Variants in GID4 observed in about 807,000 individuals in gnomAD.
GID4 encodes the protein glucose-induced degradation protein 4 homolog.
Under a neutral mutation model 32.4 loss-of-function variants are expected in GID4, and 7 were observed. The ratio of observed to expected loss-of-function variants is 0.22; its 90% CI spans 0.12 to 0.41. GID4 has a LOEUF of 0.41. Ranked by LOEUF, GID4 falls within the 10% of genes least tolerant of loss-of-function variation. The pLI is 1.00. For missense variants in GID4, 309 were observed against 400.0 expected, an observed-to-expected ratio of 0.77 and a Z score of 1.94; for synonymous variants, 166 against 170.0, an observed-to-expected ratio of 0.98 and a Z score of 0.18.
intron 4 of GID4, among the ~76,000 whole-genome samples, chr17:18,059,599 C>T (rs997994533): frequency 2.0e-5 from 3 of 152,250 alleles, no homozygotes; most frequent in Non-Finnish European, 2.9e-5. Flanking sequence ...GCTTTGATAA[C>T]GTGATATTTA....
rs780649735 is a variant in GID4 at position 18,065,583 on chromosome 17, G to A, written c.*340G>A. Reference sequence around the variant, plus strand: ...CGTCCCACCTCCAGCCGAATAGAAGGTCTGCTCCCGGATCACCCTCAGCCT... The same window carrying A: ...CGTCCCACCTCCAGCCGAATAGAAGATCTGCTCCCGGATCACCCTCAGCCT... On this transcript the variant is annotated 3_prime_UTR_variant, in exon 6 of 6. Coordinates refer to ENST00000268719, the MANE Select transcript of GID4 (RefSeq NM_024052.5). The A allele has an allele frequency of 9.3e-5, 31 of 333,862 alleles. No individual in the cohort carries two copies. The highest frequency in any genetic ancestry group is 6.4e-5 in the Non-Finnish European group (11 of 172,440). The allele number at this position is 333,862 out of a possible 1,614,324, so 20.7% of individuals were successfully genotyped here.
chr17:18,059,673 C>T, intron 4 of GID4, among the ~76,000 whole-genome samples: 1 of 152,222 alleles, frequency 6.6e-6, no homozygotes, highest in East Asian at 1.9e-4. Flanking sequence ...ATACCAACCC[C>T]TAGTCCCCAG....
intron 5 of GID4, among the ~76,000 whole-genome samples, chr17:18,062,878 A>C (rs1005189152): frequency 2.0e-5 from 3 of 147,956 alleles, no homozygotes; most frequent in African/African-American, 7.5e-5. Context: ...GATCGAGACC[A>C]TCCTGGCTAA....
chr17:18,060,802 C>T (rs1212359099), intron 4 of GID4, among the ~76,000 whole-genome samples: 1 of 152,178 alleles, frequency 6.6e-6, no homozygotes, highest in Non-Finnish European at 1.5e-5. Flanking sequence ...GGCGCGATCT[C>T]GGTTCTCTGC....
At chr17:18,047,451 C>A (rs374464112) in intron 2 of GID4, among the ~76,000 whole-genome samples, 13 of 152,200 alleles carry the variant, frequency 8.5e-5, no homozygotes, top group African/African-American at 3.1e-4. Flanking sequence ...AAGTAGCATT[C>A]GAAATCTTGA....
At position 18,065,592 on chromosome 17, in the gene GID4, C is replaced by T. The variant is rs113095389; in HGVS notation, c.*349C>T. On this transcript the variant is annotated 3_prime_UTR_variant, in exon 6 of 6. Coordinates refer to ENST00000268719, the MANE Select transcript of GID4 (RefSeq NM_024052.5). Reference sequence around the variant, plus strand: ...TCCAGCCGAATAGAAGGTCTGCTCCCGGATCACCCTCAGCCTTGGTGCTCA... The same window carrying T: ...TCCAGCCGAATAGAAGGTCTGCTCCTGGATCACCCTCAGCCTTGGTGCTCA... The T allele has an allele frequency of 3.6e-5, 12 of 329,472 alleles. No homozygotes were observed. Among genetic ancestry groups the T allele is most frequent in the East Asian group, 3.3e-4 (4 of 12,124 alleles). 20.4% of individuals were successfully genotyped at this position (329,472 alleles called of 1,614,324 possible). A position where few individuals can be genotyped will look rare whatever the true frequency, so the allele number is the denominator to read the frequency against.
In GID4 at chr17:18,061,998, G is replaced by A. The variant is rs1476122040; in HGVS notation, c.839+23G>A. 1 of 1,611,034 alleles carries A rather than the reference G, an allele frequency of 6.2e-7. No homozygotes were observed. The highest frequency in any genetic ancestry group is 2.2e-5 in the East Asian group (1 of 44,842). The stretch of plus-strand genomic sequence containing the variant: ...ATGGTGAGGACCTCTGAGGACAGAG[G>A]CCACGGGGAGGGCTTGCTGCCCAGC... On this transcript the variant is annotated intron_variant, in intron 5 of 5. Coordinates refer to ENST00000268719, the MANE Select transcript of GID4 (RefSeq NM_024052.5). This position sits in a 1 kb window ranked among gnomAD's most constrained non-coding sequence, Gnocchi z 4.4.
Position 18,065,226 on chromosome 17 carries a change from A to G in GID4, c.886A>G (p.Ile296Val). 6.2e-7 allele frequency: 1 copy of G among 1,613,832 alleles called. No homozygotes were observed. Among genetic ancestry groups the G allele is most frequent in the Non-Finnish European group, 8.5e-7 (1 of 1,179,688 alleles). The part of the protein sequence containing the change: ...LTHVPEHSAP[I>V]YEFR ...CCATGTTCCTGAACACAGTGCACCCATCTATGAATTCCGGTGACAACGGTT... is the reference window on the plus strand; with the variant it reads ...CCATGTTCCTGAACACAGTGCACCCGTCTATGAATTCCGGTGACAACGGTT... The change falls in exon 6 of 6, where the codon ATC (isoleucine) becomes GTC (valine). Residue 296 changes from isoleucine to valine, a missense_variant. Ile to Val is a conservative substitution (Grantham distance 29, BLOSUM62 3). Around this residue, in one of 2 missense-constraint regions of GID4, gnomAD observed 116 missense variants for 214.2 expected, o/e 0.54. Transcript: ENST00000268719.
rs2045052273 is a variant in GID4 at position 18,065,425 on chromosome 17, G to A, written c.*182G>A. On this transcript the variant is annotated 3_prime_UTR_variant, in exon 6 of 6. Transcript: ENST00000268719. ...GGAGCATGGCTGGCCCGTGGGGCAG[G>A]TGGAGGGAGCAGTCTTCGTTCTTCC... The A allele has an allele frequency of 1.6e-5, 10 of 617,776 alleles. No homozygotes were observed. The highest frequency in any genetic ancestry group is 2.6e-5 in the Non-Finnish European group (9 of 343,602). The allele number at this position is 617,776 out of a possible 1,614,324, so 38.3% of individuals were successfully genotyped here.
Position 18,054,134 on chromosome 17 carries a change from C to T in GID4, c.506C>T (p.Pro169Leu). The T allele has an allele frequency of 1.9e-6, 3 of 1,595,616 alleles. No homozygotes were observed. The highest frequency in any genetic ancestry group is 2.6e-6 in the Non-Finnish European group (3 of 1,163,766). Reference sequence around the variant, plus strand: ...TTTGGGTTTTTACCATAGGAGTATCCAACCCTTACAACCTTCTTCGAAGGA... The same window carrying T: ...TTTGGGTTTTTACCATAGGAGTATCTAACCCTTACAACCTTCTTCGAAGGA... ...LKIKGLTEEY[P>L]TLTTFFEGEI... The change falls in exon 3 of 6, where the codon CCA becomes CTA. Residue 169 changes from proline to leucine, a missense_variant. Coordinates refer to ENST00000268719, the MANE Select transcript of GID4 (RefSeq NM_024052.5).
intron 5 of GID4, 26 bp from the exon 6 acceptor site, chr17:18,065,154 C>T (rs2045049359): frequency 6.3e-7 from 1 of 1,592,192 alleles, no homozygotes; most frequent in African/African-American, 1.3e-5. Context: ...TGACTACCTC[C>T]CGTTTCTGTC....
chr17:18,040,311 C>G (rs2044781637), intron 1 of GID4, among the ~76,000 whole-genome samples: 1 of 152,208 alleles, frequency 6.6e-6, no homozygotes, highest in Non-Finnish European at 1.5e-5. Flanking sequence ...GACTTGGGAC[C>G]CTCCCCATGT....
chr17:18,056,806 T>C, intron 3 of GID4: 1 of 1,550,580 alleles, frequency 6.4e-7, no homozygotes, highest in Non-Finnish European at 8.7e-7. Context: ...GCATGTGAGG[T>C]GTGGTTGAGC....
At chr17:18,054,371 C>A in intron 3 of GID4, 137 bp downstream of exon 3, 2 of 542,254 alleles carry the variant, frequency 3.7e-6, no homozygotes, top group Non-Finnish European at 6.6e-6. Context: ...TGCACACAGA[C>A]CTCAGTTGTT....
intron 3 of GID4, chr17:18,056,649 T>C: frequency 6.6e-7 from 1 of 1,524,096 alleles, no homozygotes; most frequent in African/African-American, 1.4e-5. Flanking sequence ...CTAGGTTGAC[T>C]ACAAATTAAA....
At chr17:18,058,721 G>A (rs1370456243) in intron 3 of GID4, 147 bp from the exon 4 acceptor site, 2 of 598,206 alleles carry the variant, frequency 3.3e-6, no homozygotes, top group Non-Finnish European at 6.0e-6. Context: ...GGCCCCATCT[G>A]TTACTTGGTC....
At position 18,066,044 on chromosome 17, in the gene GID4, T is replaced by C. The variant is rs1241293307; in HGVS notation, c.*801T>C. ...TAAGAGTTTTTTTATTACAAAATTA[T>C]TTTTATGGTCCCTTTAACGAGGACC... On this transcript the variant is annotated 3_prime_UTR_variant, in exon 6 of 6. Transcript: ENST00000268719. 1 of 152,366 alleles carries C rather than the reference T, an allele frequency of 6.6e-6. No individual in the cohort carries two copies. Among genetic ancestry groups the C allele is most frequent in the East Asian group, 1.9e-4 (1 of 5,208 alleles). The allele number at this position is 152,366 out of a possible 1,614,324, so 9.4% of individuals were successfully genotyped here. A position where few individuals can be genotyped will look rare whatever the true frequency, so the allele number is the denominator to read the frequency against.
chr17:18,055,321 T>C (rs1041124598), intron 3 of GID4, among the ~76,000 whole-genome samples: 2 of 152,142 alleles, frequency 1.3e-5, no homozygotes, highest in Non-Finnish European at 2.9e-5. Flanking sequence ...GTAGCAAAGA[T>C]TCTAGAACTC....
rs1340928129 is a variant in GID4 at position 18,058,565 on chromosome 17, G to A, written c.607-303G>A. 2.0e-5 allele frequency among the ~76,000 whole-genome samples: 3 copies of A among 152,322 alleles called. No individual in the cohort carries two copies. In the East Asian group the frequency reaches 5.8e-4, roughly 29 times the overall value. On this transcript the variant is annotated intron_variant, in intron 3 of 5. Transcript: ENST00000268719. ...CATTAATTTTTCTTAGCTTTCGTCT[G>A]TTTATTTTGTCTGTCTGTTCACCAT...
Sources: gnomAD v4.1 joint callset for allele counts (sites outside exome capture counted in the v4.1 genomes callset) on GRCh38, gnomAD v4.1.1 for gene constraint, gnomAD v4.1.1 regional missense constraint, Gnocchi (gnomAD v3.1) non-coding constraint, MANE v1.5 for transcripts, NCBI Gene and HGNC (gene_info 2026-07-23, HGNC 2026-07-21) for gene names.